The following PDSS2 variants were observed in gnomAD, a reference collection of about 807,000 sequenced individuals.
PDSS2 encodes decaprenyl diphosphate synthase subunit 2.
In PDSS2, 31 loss-of-function variants were observed where a neutral mutation model predicts 44.5. The observed-to-expected ratio is 0.70, with a 90% confidence interval of 0.52 to 0.94. The LOEUF (loss-of-function observed/expected upper bound fraction) is 0.94. Ranked by LOEUF, PDSS2 falls within the 40% of genes least tolerant of loss-of-function variation. The pLI is 0.00. For missense variants in PDSS2, 452 were observed against 482.2 expected (o/e 0.94, Z 0.59); for synonymous variants, 157 against 180.3 (o/e 0.87, Z 1.03).
intron 7 of PDSS2, among the ~76,000 whole-genome samples, chr6:107,184,632 TG>T (rs1772100522): frequency 6.6e-6 from 1 of 152,182 alleles, no homozygotes; most frequent in African/African-American, 2.4e-5. Flanking sequence ...CAAGGACTTC[TG>T]GGGGTGAAGA....
intron 2 of PDSS2, among the ~76,000 whole-genome samples, chr6:107,274,953 G>A (rs1469767700): frequency 6.6e-6 from 1 of 152,130 alleles, no homozygotes; most frequent in Non-Finnish European, 1.5e-5. Context: ...AATAACAGGT[G>A]TGAGCCACTG....
chr6:107,415,517 G>T (rs562847847), intron 1 of PDSS2, among the ~76,000 whole-genome samples: 1 of 151,990 alleles, frequency 6.6e-6, no homozygotes, highest in Admixed American at 6.5e-5. Context: ...ACACCAAGCA[G>T]AATCAGTAGA....
intron 6 of PDSS2, among the ~76,000 whole-genome samples, chr6:107,201,492 A>C (rs1772775731): frequency 6.6e-6 from 1 of 151,510 alleles, no homozygotes; most frequent in Non-Finnish European, 1.5e-5. Context: ...GACTAAAGGC[A>C]GACAGATTCC....
intron 1 of PDSS2, among the ~76,000 whole-genome samples, chr6:107,372,174 G>A (rs1779145571): frequency 6.6e-6 from 1 of 152,120 alleles, no homozygotes; most frequent in East Asian, 1.9e-4. Context: ...TCACCAAACT[G>A]TGGGCTGGAA....
intron 1 of PDSS2, among the ~76,000 whole-genome samples, chr6:107,353,156 T>C (rs1424681264): frequency 6.6e-6 from 1 of 152,058 alleles, no homozygotes; most frequent in Non-Finnish European, 1.5e-5. Context: ...GAATAACTTT[T>C]AAGACACTGA....
intron 1 of PDSS2, among the ~76,000 whole-genome samples, chr6:107,449,600 C>T (rs1183802817): frequency 6.6e-6 from 1 of 152,170 alleles, no homozygotes; most frequent in African/African-American, 2.4e-5. Context: ...CCATATTTCA[C>T]TCAGCATAAT....
At position 107,394,376 on chromosome 6, in the gene PDSS2, A is replaced by G. The variant is rs1233384439; in HGVS notation, c.297-60044T>C. On this transcript the variant is annotated intron_variant, in intron 1 of 7. Coordinates refer to ENST00000369037, the MANE Select transcript of PDSS2 (RefSeq NM_020381.4). ...ATCTGCTTCTGGAGAAGGCTCTGGA[A>G]GCTTACAATCATGGCAGAAGGCAAA... Among the ~76,000 whole-genome samples, 3 of 152,206 alleles carry G rather than the reference A, an allele frequency of 2.0e-5. No individual in the cohort carries two copies. In the East Asian group the frequency reaches 5.8e-4, roughly 29 times the overall value.
At chr6:107,419,260 A>G (rs902213780) in intron 1 of PDSS2, among the ~76,000 whole-genome samples, 2 of 152,248 alleles carry the variant, frequency 1.3e-5, no homozygotes, top group African/African-American at 4.8e-5. Context: ...CAAAAATGCT[A>G]CAAATGAAAA....
chr6:107,222,788 T>C (rs1773654555), intron 4 of PDSS2, among the ~76,000 whole-genome samples: 1 of 151,506 alleles, frequency 6.6e-6, no homozygotes, highest in South Asian at 2.1e-4. Context: ...ATATATGCAA[T>C]ACTTAATATA....
At chr6:107,290,793 T>C (rs1197818745) in intron 2 of PDSS2, among the ~76,000 whole-genome samples, 1 of 152,156 alleles carries the variant, frequency 6.6e-6, no homozygotes, top group African/African-American at 2.4e-5. Flanking sequence ...GTCATCCTCA[T>C]CAGCATTCTC....
chr6:107,247,965 G>A (rs1401574184), intron 3 of PDSS2, among the ~76,000 whole-genome samples: 1 of 151,474 alleles, frequency 6.6e-6, no homozygotes, highest in Non-Finnish European at 1.5e-5. Flanking sequence ...TTTGCAGTGA[G>A]CCAAGATCGC....
At chr6:107,187,670 A>G (rs1343957915) in intron 7 of PDSS2, among the ~76,000 whole-genome samples, 3 of 152,054 alleles carry the variant, frequency 2.0e-5, no homozygotes, top group Non-Finnish European at 4.4e-5. Context: ...ATCTCAAAAA[A>G]AAAAAAAAAC....
intron 2 of PDSS2, among the ~76,000 whole-genome samples, chr6:107,275,646 T>C (rs1170075215): frequency 1.3e-5 from 2 of 152,112 alleles, no homozygotes; most frequent in Admixed American, 1.3e-4. Context: ...CTAAACTATA[T>C]GGGTGATTTG....
chr6:107,168,811 C>T (rs1771449028), intron 7 of PDSS2, among the ~76,000 whole-genome samples: 1 of 152,152 alleles, frequency 6.6e-6, no homozygotes, highest in Non-Finnish European at 1.5e-5. Context: ...GCCCCCCACT[C>T]TCTCCTGGCT....
At chr6:107,312,975 T>C (rs1036505259) in intron 2 of PDSS2, among the ~76,000 whole-genome samples, 2 of 152,238 alleles carry the variant, frequency 1.3e-5, no homozygotes, top group Non-Finnish European at 2.9e-5. Flanking sequence ...TTGAAAGCTA[T>C]GGGTAGGCGA....
At chr6:107,168,100 G>A (rs1313807448) in intron 7 of PDSS2, among the ~76,000 whole-genome samples, 1 of 152,118 alleles carries the variant, frequency 6.6e-6, no homozygotes, top group Non-Finnish European at 1.5e-5. Context: ...CATTATTATT[G>A]TGTGGGAGTC....
intron 1 of PDSS2, among the ~76,000 whole-genome samples, chr6:107,388,107 A>G (rs992794475): frequency 5.3e-5 from 8 of 152,208 alleles, no homozygotes; most frequent in African/African-American, 1.9e-4. Context: ...AGAAAATCCT[A>G]GACTCAATTT....
intron 1 of PDSS2, among the ~76,000 whole-genome samples, chr6:107,371,729 C>T (rs542108678): frequency 6.6e-6 from 1 of 152,076 alleles, no homozygotes; most frequent in Non-Finnish European, 1.5e-5. Flanking sequence ...AAAGCATTGT[C>T]GAGTCTAGGA....
intron 4 of PDSS2, among the ~76,000 whole-genome samples, chr6:107,214,002 A>G (rs1773321659): frequency 6.6e-6 from 1 of 152,200 alleles, no homozygotes; most frequent in Admixed American, 6.5e-5. Context: ...AAAAAAGTGG[A>G]AACAGGTAAA....
Sources: allele counts gnomAD v4.1 joint callset (sites outside exome capture counted in the v4.1 genomes callset), GRCh38; gene constraint gnomAD v4.1.1; transcripts MANE v1.5; gene names NCBI Gene and HGNC (gene_info 2026-07-23, HGNC 2026-07-21).